DYRK1A: variants seen among roughly 807,000 people sequenced by gnomAD.
The protein encoded by DYRK1A is dual specificity tyrosine-phosphorylation-regulated kinase 1A.
DYRK1A carries 9 observed loss-of-function variants against 79.7 expected under a neutral mutation model. The ratio of observed to expected loss-of-function variants is 0.11; its 90% CI spans 0.07 to 0.20. DYRK1A has a LOEUF of 0.20. Among genes scored for constraint, DYRK1A ranks in the 10% least tolerant of loss-of-function variants. The pLI, the probability that DYRK1A is intolerant of heterozygous loss-of-function variation, is 1.00. For synonymous variants in DYRK1A, 349 were observed against 329.7 expected, an observed-to-expected ratio of 1.06 and a Z score of -0.63; for missense variants, 622 against 956.0, an observed-to-expected ratio of 0.65 and a Z score of 4.61.
intron 1 of DYRK1A, among the ~76,000 whole-genome samples, chr21:37,371,980 T>G (rs1343990500): frequency 2.6e-5 from 4 of 152,214 alleles, no homozygotes; most frequent in African/African-American, 9.6e-5. Context: ...ATTATCATTA[T>G]CTATATTATT....
intron 2 of DYRK1A, among the ~76,000 whole-genome samples, chr21:37,425,319 T>G (rs1018518380): frequency 6.6e-6 from 1 of 152,224 alleles, no homozygotes; most frequent in African/African-American, 2.4e-5. Context: ...ATAAGTATAT[T>G]AATGCTTGCT....
At chr21:37,465,664 C>CT (rs1230102102) in intron 2 of DYRK1A, among the ~76,000 whole-genome samples, 4 of 152,050 alleles carry the variant, frequency 2.6e-5, no homozygotes, top group Non-Finnish European at 5.9e-5. Flanking sequence ...TGGTGAAACT[C>CT]TGTCTCTACT....
rs1275023538 is a variant in DYRK1A, at chr21:37,524,136, A to G, written c.*11605A>G. On this transcript the variant is annotated 3_prime_UTR_variant, in exon 12 of 12. Transcript: ENST00000647188. Reference sequence around the variant, plus strand: ...CAATGACATGGTAGCTGTCCTAAGGAACACAATACAACCAGGTGCAGTGGC... The same window carrying G: ...CAATGACATGGTAGCTGTCCTAAGGGACACAATACAACCAGGTGCAGTGGC... 1 of 152,226 alleles carries G rather than the reference A, an allele frequency of 6.6e-6. No homozygotes were observed. Among genetic ancestry groups the G allele is most frequent in the Non-Finnish European group, 1.5e-5 (1 of 68,044 alleles). 9.4% of individuals were successfully genotyped at this position (152,226 alleles called of 1,614,324 possible). A position where few individuals can be genotyped will look rare whatever the true frequency, so the allele number is the denominator to read the frequency against.
At chr21:37,373,141 T>A (rs555999230) in intron 1 of DYRK1A, among the ~76,000 whole-genome samples, 1 of 151,836 alleles carries the variant, frequency 6.6e-6, no homozygotes, top group African/African-American at 2.4e-5. Context: ...TCCTTAGCCA[T>A]GTCATCTTGG....
intron 11 of DYRK1A, chr21:37,506,496 T>A: frequency 1.0e-6 from 1 of 952,948 alleles, no homozygotes; most frequent in Non-Finnish European, 1.5e-6. Context: ...AAGCAGCGTT[T>A]TGAGCCTCAT....
intron 2 of DYRK1A, chr21:37,425,827 C>T (rs951571576): frequency 1.2e-4 from 19 of 152,156 alleles, no homozygotes; most frequent in African/African-American, 4.3e-4. Flanking sequence ...TGTGTGGTAT[C>T]AGCATTTGTG....
rs1372185589 is a variant in DYRK1A, at chr21:37,519,879, C to T, written c.*7348C>T. 6.6e-6 allele frequency: 1 copy of T among 151,746 alleles called. No homozygotes were observed. The highest frequency in any genetic ancestry group is 1.5e-5 in the Non-Finnish European group (1 of 68,064). 9.4% of individuals were successfully genotyped at this position (151,746 alleles called of 1,614,324 possible). ...GCCTCAGCCTCCAGAGTAGCTGGGA[C>T]TACTGGCGCCCGCCACCACGCCCGG... On this transcript the variant is annotated 3_prime_UTR_variant, in exon 12 of 12. Coordinates refer to ENST00000647188, the MANE Select transcript of DYRK1A (RefSeq NM_001347721.2).
At chr21:37,442,956 G>GCTT (rs2051152618) in intron 2 of DYRK1A, among the ~76,000 whole-genome samples, 1 of 151,928 alleles carries the variant, frequency 6.6e-6, no homozygotes, top group Non-Finnish European at 1.5e-5. Flanking sequence ...CCTGCCTCAG[G>GCTT]CTTCTGAGTA....
At position 37,512,366 on chromosome 21, in the gene DYRK1A, C is replaced by A. The variant is rs770281344; in HGVS notation, c.2100C>A (p.Arg700=). The A allele has an allele frequency of 6.2e-7, 1 of 1,614,212 alleles. No homozygotes were observed. The highest frequency in any genetic ancestry group is 8.5e-7 in the Non-Finnish European group (1 of 1,180,046). The part of the protein sequence containing the change: ...DVNLTVYSNP[R]QETGIAGHPT... ...ATTTGACCGTCTACTCCAATCCCCG[C>A]CAAGAGACTGGCATAGCTGGACATC... Residue 700 remains arginine (R), a synonymous_variant, in exon 12 of 12, where the codon CGC becomes CGA. Transcript: ENST00000647188.
At chr21:37,483,756 G>GT (rs1341499347) in intron 5 of DYRK1A, among the ~76,000 whole-genome samples, 13 of 151,782 alleles carry the variant, frequency 8.6e-5, no homozygotes, top group East Asian at 5.8e-4. Context: ...CTAATTTGTT[G>GT]TTTTTTTGTA....
chr21:37,386,065 T>C (rs1157720889), intron 1 of DYRK1A, among the ~76,000 whole-genome samples: 1 of 152,148 alleles, frequency 6.6e-6, no homozygotes, highest in Non-Finnish European at 1.5e-5. Context: ...ATTTAACCTA[T>C]GATGAAACAA....
At chr21:37,372,121 T>G (rs980476363) in intron 1 of DYRK1A, among the ~76,000 whole-genome samples, 1 of 152,080 alleles carries the variant, frequency 6.6e-6, no homozygotes, top group Non-Finnish European at 1.5e-5. Context: ...GGTTAAGGCT[T>G]GCATCTTGGC....
intron 2 of DYRK1A, among the ~76,000 whole-genome samples, chr21:37,432,235 C>T (rs2050795562): frequency 6.6e-6 from 1 of 151,890 alleles, no homozygotes; most frequent in Non-Finnish European, 1.5e-5. Flanking sequence ...GGCACTGTTA[C>T]CCAAATGTGA....
At chr21:37,420,427 A>G in intron 2 of DYRK1A, 43 bp downstream of exon 2, 1 of 1,603,706 alleles carries the variant, frequency 6.2e-7, no homozygotes, top group Non-Finnish European at 8.5e-7. Flanking sequence ...GGCTAAGAGA[A>G]TGTGGGAATC....
At chr21:37,511,807 C>T in intron 11 of DYRK1A, 104 bp from the exon 12 acceptor site, 1 of 1,344,698 alleles carries the variant, frequency 7.4e-7, no homozygotes, top group East Asian at 2.3e-5. Context: ...ACCGTTTCCC[C>T]CTGATTAATA....
At chr21:37,503,274 C>T (rs1339181608) in intron 9 of DYRK1A, 2 of 152,208 alleles carry the variant, frequency 1.3e-5, no homozygotes, top group African/African-American at 4.8e-5. Context: ...AATATTATCC[C>T]AGAGGTCTCT....
intron 1 of DYRK1A, among the ~76,000 whole-genome samples, chr21:37,404,111 A>G (rs886255903): frequency 6.6e-6 from 1 of 152,120 alleles, no homozygotes; most frequent in Non-Finnish European, 1.5e-5. Flanking sequence ...TTCTCCAGAG[A>G]CACAGAACCA....
intron 1 of DYRK1A, among the ~76,000 whole-genome samples, chr21:37,378,127 A>G (rs1388130491): frequency 6.6e-6 from 1 of 152,136 alleles, no homozygotes; most frequent in Non-Finnish European, 1.5e-5. Flanking sequence ...AGTTGTTTGG[A>G]TTTGCATTTC....
chr21:37,475,763 A>G (rs2052373884), intron 3 of DYRK1A, among the ~76,000 whole-genome samples: 1 of 152,160 alleles, frequency 6.6e-6, no homozygotes, highest in South Asian at 2.1e-4. Context: ...ACTCATGTTT[A>G]TATCCTATTT....
Sources: gnomAD v4.1 joint callset for allele counts (sites outside exome capture counted in the v4.1 genomes callset) on GRCh38, gnomAD v4.1.1 for gene constraint, MANE v1.5 for transcripts, NCBI Gene and HGNC (gene_info 2026-07-23, HGNC 2026-07-21) for gene names.